POTEC: variants seen among roughly 807,000 people sequenced by gnomAD.
POTEC encodes the protein POTE ankyrin domain family member C.
Under a neutral mutation model 62.0 loss-of-function variants are expected in POTEC, and 35 were observed. The observed-to-expected ratio is 0.56, with a 90% CI of 0.43 to 0.75. POTEC has a LOEUF of 0.75. Among genes scored for constraint, POTEC ranks in the 30% least tolerant of loss-of-function variants. The pLI is 0.00. For missense variants in POTEC, 472 were observed against 655.9 expected (o/e 0.72, Z 3.06); for synonymous variants, 156 against 221.5 (o/e 0.70, Z 2.62).
Position 14,538,120 on chromosome 18 carries a change from T to C in POTEC, c.636+15A>G, listed in dbSNP as rs776888833. 1.3e-6 allele frequency: 2 copies of C among 1,585,270 alleles called. No individual in the cohort carries two copies. The highest frequency in any genetic ancestry group is 8.6e-7 in the Non-Finnish European group (1 of 1,164,196). ...TCAAACCCATCTCACGCTGATATAGTTGACTACTGCATACCTTTATCAGAG... is the reference window on the plus strand; with the variant it reads ...TCAAACCCATCTCACGCTGATATAGCTGACTACTGCATACCTTTATCAGAG... On this transcript the variant is annotated intron_variant, in intron 2 of 10. Transcript: ENST00000358970.
intron 9 of POTEC, among the ~76,000 whole-genome samples, chr18:14,514,008 G>C (rs1424632630): frequency 6.6e-6 from 1 of 151,780 alleles, no homozygotes; most frequent in East Asian, 1.9e-4. Context: ...GGTGGGGGAT[G>C]GTTCCAGGAT....
chr18:14,522,467 A>G (rs1446907567), intron 8 of POTEC, 47 bp from the exon 9 acceptor site: 1 of 1,453,874 alleles, frequency 6.9e-7, no homozygotes, highest in East Asian at 2.4e-5. Context: ...TTTATTGAAT[A>G]AAAATAACCT....
Position 14,525,867 on chromosome 18 carries a change from T to C in POTEC, c.1127-884A>G, listed in dbSNP as rs147584647. Among the ~76,000 whole-genome samples the C allele has an allele frequency of 8.4e-3, 1,286 of 152,252 alleles. 22 individuals carry two copies. The highest frequency in any genetic ancestry group is 0.03 in the African/African-American group (1,233 of 41,570). On this transcript the variant is annotated intron_variant, in intron 6 of 10. Coordinates refer to ENST00000358970, the MANE Select transcript of POTEC (RefSeq NM_001137671.2). ...CTTCTTAACATCTAAAATGTTTCCA[T>C]CCACTATTATGACAAATTTATATTC... is the stretch of plus-strand genomic sequence containing the variant.
intron 5 of POTEC, among the ~76,000 whole-genome samples, chr18:14,532,013 G>T (rs1411906168): frequency 1.3e-5 from 2 of 151,246 alleles, no homozygotes; most frequent in Non-Finnish European, 2.9e-5. Context: ...ACCACAGCTG[G>T]GAGCCACTGC....
At chr18:14,535,497 T>C (rs1010102689) in intron 3 of POTEC, among the ~76,000 whole-genome samples, 1 of 152,098 alleles carries the variant, frequency 6.6e-6, no homozygotes, top group African/African-American at 2.4e-5. Flanking sequence ...TTTCAAGAAT[T>C]TTTCCAACAT....
chr18:14,509,478 G>A lies in POTEC; in HGVS notation c.*2420C>T. The A allele has an allele frequency of 6.6e-6, 1 of 151,834 alleles. No individual in the cohort carries two copies. 9.4% of individuals were successfully genotyped at this position (151,834 alleles called of 1,614,324 possible). A position where few individuals can be genotyped will look rare whatever the true frequency, so the allele number is the denominator to read the frequency against. On this transcript the variant is annotated 3_prime_UTR_variant, in exon 11 of 11. Coordinates refer to ENST00000358970, the MANE Select transcript of POTEC (RefSeq NM_001137671.2). ...GGTGTGTGCTGCATTCCCATATGCT[G>A]TTAGGGCAAGTACAACAAAACCCAC...
intron 4 of POTEC, among the ~76,000 whole-genome samples, chr18:14,533,967 A>G (rs1028484154): frequency 3.6e-4 from 54 of 148,024 alleles, no homozygotes; most frequent in African/African-American, 1.4e-3. Flanking sequence ...GTACATGTGC[A>G]CATTGTGCAG....
chr18:14,508,498 A>C lies in POTEC; in HGVS notation c.*3400T>G, dbSNP rs1391855330. ...CCACACATACTACAATAATATTCAT[A>C]ATGCAATCACACACAATCACCATGT... On this transcript the variant is annotated 3_prime_UTR_variant, in exon 11 of 11. Transcript: ENST00000358970. 1 of 152,646 alleles carries C rather than the reference A, an allele frequency of 6.6e-6. No homozygotes were observed. The highest frequency in any genetic ancestry group is 1.9e-4 in the East Asian group (1 of 5,196). The allele number at this position is 152,646 out of a possible 1,614,324, so 9.5% of individuals were successfully genotyped here.
rs1906036294 is a variant in POTEC, at chr18:14,543,465, G to C, written c.-319C>G. 1 of 517,824 alleles carries C rather than the reference G, an allele frequency of 1.9e-6. No individual in the cohort carries two copies. Among genetic ancestry groups the C allele is most frequent in the Non-Finnish European group, 3.5e-6 (1 of 288,210 alleles). 32.1% of individuals were successfully genotyped at this position (517,824 alleles called of 1,614,324 possible). A position where few individuals can be genotyped will look rare whatever the true frequency, so the allele number is the denominator to read the frequency against. On this transcript the variant is annotated 5_prime_UTR_variant, in exon 1 of 11. Transcript: ENST00000358970. ...AGAGAAAAAGTCAAGCCCAGCAAAG[G>C]AATGCGAGGGAGGAAACGCCAATCC...
intron 1 of POTEC, 70 bp from the exon 2 acceptor site, chr18:14,538,319 T>G: frequency 8.0e-7 from 1 of 1,253,940 alleles, no homozygotes; most frequent in Non-Finnish European, 1.1e-6. Flanking sequence ...TTCATGTAGT[T>G]GCAAACACTG....
At chr18:14,512,597 TAAAAG>T (rs1162477530) in intron 10 of POTEC, among the ~76,000 whole-genome samples, 1 of 152,182 alleles carries the variant, frequency 6.6e-6, no homozygotes, top group Non-Finnish European at 1.5e-5. Context: ...TCACGATTCT[TAAAAG>T]GAGAGGTCAA....
chr18:14,530,420 G>A, intron 6 of POTEC, 63 bp downstream of exon 6: 1 of 1,597,460 alleles, frequency 6.3e-7, no homozygotes, highest in Non-Finnish European at 8.5e-7. Context: ...CACAAAACTG[G>A]TCCCTGCTGC....
intron 5 of POTEC, among the ~76,000 whole-genome samples, chr18:14,532,356 G>A (rs527855470): frequency 3.3e-5 from 5 of 152,156 alleles, no homozygotes; most frequent in Admixed American, 2.6e-4. Context: ...GGCCAGAGCA[G>A]GGTGCTGGTG....
chr18:14,516,330 A>ATATATATG (rs1910155851), intron 9 of POTEC, among the ~76,000 whole-genome samples: 1 of 72,704 alleles, frequency 1.4e-5, no homozygotes, highest in Admixed American at 1.6e-4. Context: ...ATATATATAT[A>ATATATATG]TATATACCTA....
chr18:14,519,110 C>G (rs1175290443), intron 9 of POTEC, among the ~76,000 whole-genome samples: 1 of 151,994 alleles, frequency 6.6e-6, no homozygotes, highest in Non-Finnish European at 1.5e-5. Context: ...TTCAGGTAGA[C>G]CTGACAAGAT....
intron 6 of POTEC, among the ~76,000 whole-genome samples, chr18:14,526,751 C>T (rs1910447681): frequency 6.6e-6 from 1 of 152,120 alleles, no homozygotes; most frequent in African/African-American, 2.4e-5. Flanking sequence ...TAGAGTAGGG[C>T]AGAAGTCAGA....
chr18:14,515,451 C>A (rs996464447), intron 9 of POTEC, among the ~76,000 whole-genome samples: 3 of 151,984 alleles, frequency 2.0e-5, no homozygotes, highest in Non-Finnish European at 2.9e-5. Context: ...GGAGAAAGTA[C>A]ACGTTATTCA....
chr18:14,543,240 C>A lies in POTEC; in HGVS notation c.-94G>T, dbSNP rs539286934. On this transcript the variant is annotated 5_prime_UTR_variant, in exon 1 of 11. Coordinates refer to ENST00000358970, the MANE Select transcript of POTEC (RefSeq NM_001137671.2). ...TAGCAGGAAACCCTGGGTTTCCAAT[C>A]TGTTTGAAGAGAAAGGTCAATCCCA... is the stretch of plus-strand genomic sequence containing the variant. 5.6e-5 allele frequency: 86 copies of A among 1,531,876 alleles called. No individual in the cohort carries two copies. In the African/African-American group the frequency reaches 9.1e-4, roughly 16 times the overall value. 94.9% of individuals were successfully genotyped at this position (1,531,876 alleles called of 1,614,324 possible). A position where few individuals can be genotyped will look rare whatever the true frequency, so the allele number is the denominator to read the frequency against.
intron 1 of POTEC, among the ~76,000 whole-genome samples, chr18:14,541,125 G>C (rs1230108810): frequency 1.3e-5 from 2 of 152,112 alleles, no homozygotes; most frequent in Non-Finnish European, 2.9e-5. Flanking sequence ...TCCTGACCTC[G>C]TGATCCACCT....
Sources: gnomAD v4.1 joint callset for allele counts (sites outside exome capture counted in the v4.1 genomes callset) on GRCh38, gnomAD v4.1.1 for gene constraint, MANE v1.5 for transcripts, NCBI Gene and HGNC (gene_info 2026-07-23, HGNC 2026-07-21) for gene names.